ADAM32: variants seen among roughly 807,000 people sequenced by gnomAD.
ADAM32 encodes disintegrin and metalloproteinase domain-containing protein 32.
Under a neutral mutation model 114.9 loss-of-function variants are expected in ADAM32, and 89 were observed. The observed-to-expected ratio is 0.77, with a 90% CI of 0.65 to 0.92. The LOEUF is 0.92. Ranked by LOEUF, ADAM32 falls within the 40% of genes least tolerant of loss-of-function variation. The pLI is 0.00. For synonymous variants in ADAM32, 285 were observed against 307.5 expected (o/e 0.93, Z 0.77); for missense variants, 870 against 932.8 (o/e 0.93, Z 0.88).
At chr8:39,171,946 A>G (rs1005647086) in intron 10 of ADAM32, among the ~76,000 whole-genome samples, 1 of 151,578 alleles carries the variant, frequency 6.6e-6, no homozygotes, top group Non-Finnish European at 1.5e-5. Context: ...GTCAATATTT[A>G]GATAATTTAT....
At position 39,147,122 on chromosome 8, in the gene ADAM32, A is replaced by G. The variant is rs1308257549; in HGVS notation, c.201-8A>G. The G allele has an allele frequency of 2.1e-6, 2 of 950,532 alleles. No individual in the cohort carries two copies. Among genetic ancestry groups the G allele is most frequent in the Non-Finnish European group, 2.8e-6 (2 of 713,032 alleles). 58.9% of individuals were successfully genotyped at this position (950,532 alleles called of 1,614,324 possible). ...AATTAAAAAAATTTCCTCTTTTTTTATATTCAGATATTTTTTAGCAGATAA... is the reference window on the plus strand; with the variant it reads ...AATTAAAAAAATTTCCTCTTTTTTTGTATTCAGATATTTTTTAGCAGATAA... On this transcript the variant is annotated splice_region_variant and splice_polypyrimidine_tract_variant and intron_variant, in intron 3 of 24. Coordinates refer to ENST00000379907, the MANE Select transcript of ADAM32 (RefSeq NM_145004.7).
At chr8:39,268,905 T>C (rs1812538475) in intron 19 of ADAM32, among the ~76,000 whole-genome samples, 2 of 152,240 alleles carry the variant, frequency 1.3e-5, no homozygotes, top group Non-Finnish European at 2.9e-5. Flanking sequence ...CTATCCATCT[T>C]ACTCTGAATT....
At chr8:39,278,839 T>C (rs2129451664) in intron 22 of ADAM32, among the ~76,000 whole-genome samples, 1 of 152,290 alleles carries the variant, frequency 6.6e-6, no homozygotes, top group South Asian at 2.1e-4. Context: ...TTGTGTTAAA[T>C]GCCTGAACAT....
intron 16 of ADAM32, among the ~76,000 whole-genome samples, chr8:39,244,890 A>G (rs1001013562): frequency 2.0e-5 from 3 of 152,238 alleles, no homozygotes; most frequent in African/African-American, 7.2e-5. Flanking sequence ...TAACACCTGA[A>G]GCCATAAAAA....
At chr8:39,132,693 G>T (rs536674103) in intron 2 of ADAM32, among the ~76,000 whole-genome samples, 1 of 151,804 alleles carries the variant, frequency 6.6e-6, no homozygotes, top group South Asian at 2.1e-4. Context: ...TGTAAGACAG[G>T]ACTTTATTTC....
intron 3 of ADAM32, among the ~76,000 whole-genome samples, chr8:39,139,402 GCTTT>G (rs1356593944): frequency 6.6e-6 from 1 of 152,208 alleles, no homozygotes; most frequent in Non-Finnish European, 1.5e-5. Flanking sequence ...TGGCTAGCCA[GCTTT>G]CCCAGCACCA....
chr8:39,183,160 G>A (rs1172811705), intron 10 of ADAM32, among the ~76,000 whole-genome samples: 1 of 152,180 alleles, frequency 6.6e-6, no homozygotes, highest in Non-Finnish European at 1.5e-5. Flanking sequence ...GCAGCATGAT[G>A]CTGTTGGCTA....
rs1454858168 is a variant in ADAM32 at position 39,223,086 on chromosome 8, G to A, written c.1373G>A (p.Cys458Tyr). The A allele has an allele frequency of 1.3e-6, 2 of 1,591,702 alleles. No homozygotes were observed. The highest frequency in any genetic ancestry group is 2.3e-5 in the East Asian group (1 of 43,484). The change falls in exon 14 of 25, where the codon TGT (cysteine) becomes TAT (tyrosine). Residue 458 changes from cysteine to tyrosine, a missense_variant. Physicochemically the swap from Cys to Tyr is radical, Grantham distance 194. Transcript: ENST00000379907. The stretch of plus-strand genomic sequence containing the variant: ...TGTAGGCCGAAAGCACATCCTGAAT[G>A]TGACATCGCTGAAAATTGTAATGGA... ...VECRPKAHPE[C>Y]DIAENCNGTS...
intron 5 of ADAM32, 58 bp downstream of exon 5, chr8:39,149,925 T>C (rs1202814801): frequency 1.0e-5 from 14 of 1,398,564 alleles, no homozygotes; most frequent in Non-Finnish European, 1.4e-5. Flanking sequence ...CTGCAGTGAA[T>C]TTGTTCTCTT....
rs1802829630 is a variant in ADAM32, at chr8:39,136,738, T to G, written c.200+20T>G. On this transcript the variant is annotated intron_variant, in intron 3 of 24. Coordinates refer to ENST00000379907, the MANE Select transcript of ADAM32 (RefSeq NM_145004.7). ...ACAAAGGTAAATTTTTATTCTTTAG[T>G]TTTGGATTTTATTTTATTTCTATGA... The G allele has an allele frequency of 7.0e-7, 1 of 1,424,000 alleles. No homozygotes were observed. Among genetic ancestry groups the G allele is most frequent in the African/African-American group, 1.5e-5 (1 of 68,066 alleles). The allele number at this position is 1,424,000 out of a possible 1,614,324, so 88.2% of individuals were successfully genotyped here.
chr8:39,194,250 G>C (rs372023078), intron 11 of ADAM32, among the ~76,000 whole-genome samples: 26 of 152,256 alleles, frequency 1.7e-4, no homozygotes, highest in South Asian at 6.2e-4. Flanking sequence ...GTGAAGGGGT[G>C]GGTTTGCTGT....
chr8:39,196,419 TG>T (rs1806998574), intron 11 of ADAM32, among the ~76,000 whole-genome samples: 1 of 152,170 alleles, frequency 6.6e-6, no homozygotes, highest in Non-Finnish European at 1.5e-5. Flanking sequence ...TGCCAGTTAT[TG>T]GGAGAAAGGC....
At chr8:39,152,746 A>C (rs1057495726) in intron 6 of ADAM32, among the ~76,000 whole-genome samples, 2 of 151,104 alleles carry the variant, frequency 1.3e-5, no homozygotes, top group Non-Finnish European at 3.0e-5. Flanking sequence ...AAAAAAAAAA[A>C]AAAGAAAGAA....
At chr8:39,168,108 A>C (rs1481809511) in intron 9 of ADAM32, 2 of 140,754 alleles carry the variant, frequency 1.4e-5, no homozygotes, top group Non-Finnish European at 3.2e-5. Context: ...TTTTCTATAA[A>C]CTTTTTTTTC....
rs990038942 is a variant in ADAM32 at position 39,165,025 on chromosome 8, T to A, written c.667-5T>A. On this transcript the variant is annotated splice_polypyrimidine_tract_variant and splice_region_variant and intron_variant, in intron 8 of 24. Coordinates refer to ENST00000379907, the MANE Select transcript of ADAM32 (RefSeq NM_145004.7). Reference sequence around the variant, plus strand: ...TATGCATGTATTTATCTCTTCTGTTTTTAGATGTTCACCCAATTTAAAGTT... The same window carrying A: ...TATGCATGTATTTATCTCTTCTGTTATTAGATGTTCACCCAATTTAAAGTT... 4 of 1,588,400 alleles carry A rather than the reference T, an allele frequency of 2.5e-6. No individual in the cohort carries two copies. The highest frequency in any genetic ancestry group is 2.6e-6 in the Non-Finnish European group (3 of 1,168,546).
intron 11 of ADAM32, among the ~76,000 whole-genome samples, chr8:39,210,705 A>G (rs565634426): frequency 1.3e-5 from 2 of 152,332 alleles, no homozygotes; most frequent in East Asian, 1.9e-4. Flanking sequence ...TTATTGGTAT[A>G]TGGACATAAT....
intron 12 of ADAM32, among the ~76,000 whole-genome samples, chr8:39,220,765 C>T (rs372566810): frequency 1.3e-5 from 2 of 152,106 alleles, no homozygotes; most frequent in East Asian, 3.9e-4. Context: ...CCCTTATGAT[C>T]AGAAAAGATA....
intron 17 of ADAM32, among the ~76,000 whole-genome samples, chr8:39,246,434 A>G (rs781769500): frequency 6.6e-6 from 1 of 152,218 alleles, no homozygotes; most frequent in African/African-American, 2.4e-5. Context: ...TAAATACATT[A>G]ACCTGGTTCT....
chr8:39,162,782 C>T (rs1048576400), intron 7 of ADAM32, among the ~76,000 whole-genome samples: 5 of 152,132 alleles, frequency 3.3e-5, no homozygotes, highest in African/African-American at 7.2e-5. Context: ...GGGTGGATCA[C>T]CTGAGGTCAG....
Sources: gnomAD v4.1 joint callset for allele counts (sites outside exome capture counted in the v4.1 genomes callset) on GRCh38, gnomAD v4.1.1 for gene constraint, MANE v1.5 for transcripts, NCBI Gene and HGNC (gene_info 2026-07-23, HGNC 2026-07-21) for gene names.